MSH3: variants seen among roughly 807,000 people sequenced by gnomAD.
MSH3 encodes the protein DNA mismatch repair protein Msh3.
Under a neutral mutation model 123.3 loss-of-function variants are expected in MSH3, and 106 were observed. That is an observed-to-expected ratio of 0.86 (90% CI 0.73 to 1.01). MSH3 has a LOEUF of 1.01. MSH3 is among the 50% of genes least tolerant of loss of function. The probability of loss-of-function intolerance (pLI) is 0.00; values close to 1 mark genes in which losing one functional copy is unlikely to be tolerated. For missense variants in MSH3, 1,459 were observed against 1,347.6 expected (o/e 1.08, Z -1.29); for synonymous variants, 515 against 481.4 (o/e 1.07, Z -0.91).
intron 5 of MSH3, 133 bp downstream of exon 5, chr5:80,672,493 C>G (rs907451515): frequency 2.7e-6 from 2 of 738,706 alleles, no homozygotes; most frequent in African/African-American, 3.6e-5. Context: ...GAAAGTGTTT[C>G]ATAATTATTA....
Position 80,735,986 on chromosome 5 carries a change from G to T in MSH3, c.1569-5478G>T, listed in dbSNP as rs1580593876. Among the ~76,000 whole-genome samples the T allele has an allele frequency of 2.6e-5, 4 of 152,188 alleles. No homozygotes were observed. In the South Asian group the frequency reaches 8.3e-4, roughly 32 times the overall value. On this transcript the variant is annotated intron_variant, in intron 10 of 23. Transcript: ENST00000265081. ...ACGCCTGTAATCCCAACACTTGTGG[G>T]AGGCTGAGGTGGGCAGATCACCTGA...
chr5:80,665,948 C>T (rs1476634748), intron 3 of MSH3, among the ~76,000 whole-genome samples: 1 of 152,216 alleles, frequency 6.6e-6, no homozygotes, highest in Non-Finnish European at 1.5e-5. Flanking sequence ...ACATTGGAAT[C>T]ACCTGGAGAA....
chr5:80,782,412 T>C (rs1308502823), intron 17 of MSH3, among the ~76,000 whole-genome samples: 1 of 152,170 alleles, frequency 6.6e-6, no homozygotes, highest in African/African-American at 2.4e-5. Context: ...TATTTATTTA[T>C]AGCATTTACA....
intron 8 of MSH3, among the ~76,000 whole-genome samples, chr5:80,701,915 C>G (rs11950902): frequency 0.11 from 16,411 of 151,984 alleles, 905 homozygotes; most frequent in South Asian, 0.14. Context: ...AAGTCTTGAT[C>G]CCTAAAGCAG....
chr5:80,741,414 A>G (rs1743611103), intron 10 of MSH3, 50 bp from the exon 11 acceptor site: 2 of 1,199,424 alleles, frequency 1.7e-6, no homozygotes, highest in East Asian at 2.3e-5. Context: ...TTAGTTTTTT[A>G]TTTCTTTATG....
intron 20 of MSH3, among the ~76,000 whole-genome samples, chr5:80,849,517 C>T (rs998475650): frequency 1.1e-4 from 17 of 152,164 alleles, no homozygotes; most frequent in African/African-American, 2.9e-4. Flanking sequence ...GCAATCTAAG[C>T]GGAGGTTCCC....
At position 80,739,090 on chromosome 5, in the gene MSH3, A is replaced by G. The variant is rs903004992; in HGVS notation, c.1569-2374A>G. ...ATTCTGTTATAACCCAAATAAACAA[A>G]GATGCCAGCTAAGCACCGTTCTAGA... On this transcript the variant is annotated intron_variant, in intron 10 of 23. Coordinates refer to ENST00000265081, the MANE Select transcript of MSH3 (RefSeq NM_002439.5). 1.2e-4 allele frequency among the ~76,000 whole-genome samples: 19 copies of G among 152,240 alleles called. No homozygotes were observed. The South Asian group carries it at 1.4e-3, about 12-fold the overall frequency.
At chr5:80,818,676 T>C (rs762263353) in intron 20 of MSH3, among the ~76,000 whole-genome samples, 1 of 152,216 alleles carries the variant, frequency 6.6e-6, no homozygotes, top group Non-Finnish European at 1.5e-5. Context: ...AAATCCTTAC[T>C]TTAGTGATAC....
intron 8 of MSH3, among the ~76,000 whole-genome samples, chr5:80,710,344 C>T (rs956782227): frequency 3.9e-5 from 6 of 152,228 alleles, no homozygotes; most frequent in Non-Finnish European, 7.3e-5. Flanking sequence ...CAGAAGGGAG[C>T]AGCTATTCCC....
chr5:80,754,538 T>TA (rs1490770107), intron 12 of MSH3, among the ~76,000 whole-genome samples: 2 of 152,164 alleles, frequency 1.3e-5, no homozygotes, highest in Non-Finnish European at 2.9e-5. Flanking sequence ...ATCAAATACT[T>TA]ACCTGTTACT....
At chr5:80,752,577 T>G (rs2112874254) in intron 12 of MSH3, among the ~76,000 whole-genome samples, 1 of 152,276 alleles carries the variant, frequency 6.6e-6, no homozygotes, top group South Asian at 2.1e-4. Flanking sequence ...TATGAATTTG[T>G]ATATACCTCA....
chr5:80,660,482 T>G (rs1298303491), intron 2 of MSH3, among the ~76,000 whole-genome samples: 2 of 152,104 alleles, frequency 1.3e-5, no homozygotes, highest in African/African-American at 4.8e-5. Context: ...AAGTTGATAT[T>G]TGGGTCGGGG....
At chr5:80,709,209 ATGTGTGTGTGTG>A (rs139977038) in intron 8 of MSH3, among the ~76,000 whole-genome samples, 16 of 147,000 alleles carry the variant, frequency 1.1e-4, no homozygotes, top group African/African-American at 7.6e-5. Flanking sequence ...TAAAATAGAT[ATGTGTGTGTGTG>A]TGTGTGTGTG....
At chr5:80,747,919 G>A (rs1000584105) in intron 12 of MSH3, among the ~76,000 whole-genome samples, 1 of 152,090 alleles carries the variant, frequency 6.6e-6, no homozygotes, top group African/African-American at 2.4e-5. Context: ...ATTGTCTAAC[G>A]ATGCATTTTC....
intron 23 of MSH3, among the ~76,000 whole-genome samples, chr5:80,873,954 A>G (rs1238168305): frequency 6.6e-6 from 1 of 152,176 alleles, no homozygotes; most frequent in Non-Finnish European, 1.5e-5. Context: ...TCCCAAATAT[A>G]AAATTCTAAA....
chr5:80,820,719 A>C (rs866440036), intron 20 of MSH3, among the ~76,000 whole-genome samples: 1 of 152,204 alleles, frequency 6.6e-6, no homozygotes, highest in Non-Finnish European at 1.5e-5. Flanking sequence ...AAAGTCATCA[A>C]ATTTCTATGT....
rs60484572 is a variant in MSH3, at chr5:80,654,908, GCAGCGCCCCCAGCGCCCC to G, written c.186_203del (p.Pro64_Pro69del). ...AGCGGCTGCAGCGGCCGCAGCGGCCGCAGCGCCCCCAGCGCCCCCAGCTCCCGCCTTCCCGCCCCAGCT... is the reference window on the plus strand; with the variant it reads ...AGCGGCTGCAGCGGCCGCAGCGGCCGCAGCTCCCGCCTTCCCGCCCCAGCT... On this transcript the variant is annotated inframe_deletion, in exon 1 of 24. Transcript: ENST00000265081. 1 of 1,532,702 alleles carries G rather than the reference GCAGCGCCCCCAGCGCCCC, an allele frequency of 6.5e-7. No individual in the cohort carries two copies. Among genetic ancestry groups the G allele is most frequent in the African/African-American group, 1.5e-5 (1 of 66,132 alleles). 94.9% of individuals were successfully genotyped at this position (1,532,702 alleles called of 1,614,324 possible).
chr5:80,756,746 A>G (rs1279070526), intron 12 of MSH3, among the ~76,000 whole-genome samples: 2 of 152,238 alleles, frequency 1.3e-5, no homozygotes, highest in African/African-American at 4.8e-5. Flanking sequence ...GTTAACAATT[A>G]TAGCCCTAAT....
intron 8 of MSH3, among the ~76,000 whole-genome samples, chr5:80,715,965 G>C (rs1403223460): frequency 6.6e-6 from 1 of 152,064 alleles, no homozygotes; most frequent in Non-Finnish European, 1.5e-5. Flanking sequence ...CAGAAATGGG[G>C]AGCTATTGAA....
Sources: gnomAD v4.1 joint callset for allele counts (sites outside exome capture counted in the v4.1 genomes callset) on GRCh38, gnomAD v4.1.1 for gene constraint, MANE v1.5 for transcripts, NCBI Gene and HGNC (gene_info 2026-07-23, HGNC 2026-07-21) for gene names.